ERAP2: variants seen among roughly 807,000 people sequenced by gnomAD.
The protein encoded by ERAP2 is endoplasmic reticulum aminopeptidase 2.
ERAP2 carries 118 observed loss-of-function variants against 111.1 expected under a neutral mutation model. The observed-to-expected ratio is 1.06, with a 90% CI of 0.92 to 1.24. The LOEUF (loss-of-function observed/expected upper bound fraction) is 1.24, where lower values mean the gene tolerates loss of function less well. ERAP2 is among the 50% of genes most tolerant of loss of function. The pLI, the probability that ERAP2 is intolerant of heterozygous loss-of-function variation, is 0.00. For synonymous variants in ERAP2, 410 were observed against 401.2 expected, an observed-to-expected ratio of 1.02 and a Z score of -0.26; for missense variants, 1,131 against 1,125.8, an observed-to-expected ratio of 1.00 and a Z score of -0.07.
chr5:96,880,028 C>A lies in ERAP2; in HGVS notation c.343C>A (p.Leu115Ile), dbSNP rs1434731902. The change falls in exon 2 of 19, where the codon CTT becomes ATT. Residue 115 changes from leucine (L) to isoleucine (I), a missense_variant. Physicochemically the swap from Leu to Ile is conservative, Grantham distance 5. Transcript: ENST00000437043. ...GTTTATCATCTTGCACAGCAAAGAT[C>A]TTGAAATCACGAATGCCACCCTTCA... is the stretch of plus-strand genomic sequence containing the variant. Reference protein sequence around the residue: ...TQFIILHSKDLEITNATLQSE... With the variant: ...TQFIILHSKDIEITNATLQSE... 2 of 1,614,034 alleles carry A rather than the reference C, an allele frequency of 1.2e-6. No homozygotes were observed. Among genetic ancestry groups the A allele is most frequent in the Non-Finnish European group, 1.7e-6 (2 of 1,180,010 alleles).
At chr5:96,887,725 C>T (rs190906884) in intron 4 of ERAP2, among the ~76,000 whole-genome samples, 163 of 152,272 alleles carry the variant, frequency 1.1e-3, no homozygotes, top group African/African-American at 3.8e-3. Context: ...TAAATATTTG[C>T]AAACATCAGT....
intron 13 of ERAP2, among the ~76,000 whole-genome samples, chr5:96,905,945 T>C (rs1039275643): frequency 4.1e-5 from 1 of 24,338 alleles, no homozygotes; most frequent in African/African-American, 1.9e-4. Context: ...TTCTTTTTAA[T>C]TTTTTTTTTT....
At chr5:96,894,644 A>G (rs917620156) in intron 6 of ERAP2, among the ~76,000 whole-genome samples, 2 of 152,144 alleles carry the variant, frequency 1.3e-5, no homozygotes, top group Non-Finnish European at 2.9e-5. Flanking sequence ...CATCCTTTTT[A>G]TTTGATTTAT....
At chr5:96,912,192 AAAAAAAAAAAAAG>A (rs1344530980) in intron 15 of ERAP2, among the ~76,000 whole-genome samples, 2 of 149,812 alleles carry the variant, frequency 1.3e-5, no homozygotes, top group South Asian at 2.1e-4. Context: ...CCACCTCAAA[AAAAAAAAAAAAAG>A]AAAAGAAAAG....
At chr5:96,909,967 T>C (rs1031693728) in intron 15 of ERAP2, 3 of 497,256 alleles carry the variant, frequency 6.0e-6, no homozygotes, top group East Asian at 6.8e-5. Context: ...TGTAATGGTG[T>C]CCATTATTCC....
Position 96,886,706 on chromosome 5 carries a change from A to G in ERAP2, c.766A>G (p.Thr256Ala), listed in dbSNP as rs1216146879. ...TCTTTTGGAAGATCACTTTGAAACT[A>G]CTGTAAAAATGAGTACATACCTTGT... is the stretch of plus-strand genomic sequence containing the variant. ...GGLLEDHFET[T>A]VKMSTYLVAY... Residue 256 changes from threonine to alanine, a missense_variant, in exon 4 of 19, where the codon ACT (threonine) becomes GCT (alanine). Physicochemically the swap from Thr to Ala is moderately conservative, Grantham distance 58. Around this residue, in one of 3 missense-constraint regions of ERAP2, gnomAD observed 847 missense variants for 856.5 expected, o/e 0.99. Transcript: ENST00000437043. The G allele has an allele frequency of 1.9e-6, 3 of 1,553,348 alleles. No individual in the cohort carries two copies. In the Admixed American group the frequency reaches 5.1e-5, roughly 27 times the overall value.
chr5:96,878,820 C>T (rs1044537624), intron 1 of ERAP2, among the ~76,000 whole-genome samples: 12 of 151,984 alleles, frequency 7.9e-5, no homozygotes, highest in African/African-American at 2.7e-4. Flanking sequence ...CCCAGCTACT[C>T]GGGAGGCTGA....
chr5:96,888,880 T>C (rs1199916142), intron 4 of ERAP2, among the ~76,000 whole-genome samples: 1 of 152,216 alleles, frequency 6.6e-6, no homozygotes, highest in African/African-American at 2.4e-5. Context: ...AGAGACGAAC[T>C]CAAGTGGGTT....
chr5:96,897,140 T>A (rs1176609054), intron 9 of ERAP2, among the ~76,000 whole-genome samples: 2 of 152,334 alleles, frequency 1.3e-5, no homozygotes, highest in Admixed American at 1.3e-4. Flanking sequence ...TGATCTAAAA[T>A]CTTTAAAATG....
At chr5:96,895,416 A>G (rs1784782017) in intron 7 of ERAP2, 57 bp downstream of exon 7, 1 of 1,214,018 alleles carries the variant, frequency 8.2e-7, no homozygotes, top group African/African-American at 1.5e-5. Flanking sequence ...TCAATTCACT[A>G]TTAAAATTTC....
At chr5:96,887,611 T>C (rs1261355024) in intron 4 of ERAP2, among the ~76,000 whole-genome samples, 1 of 152,184 alleles carries the variant, frequency 6.6e-6, no homozygotes, top group Admixed American at 6.5e-5. Context: ...TTTCCAACTG[T>C]TTTTTATAAC....
rs773755510 is a variant in ERAP2, at chr5:96,895,278, G to A, written c.1158G>A (p.Trp386Ter). The A allele has an allele frequency of 1.2e-5, 20 of 1,612,606 alleles. No individual in the cohort carries two copies. In the South Asian group the frequency reaches 2.0e-4, roughly 16 times the overall value. The change falls in exon 7 of 19, where the codon TGG becomes TGA. Residue 386 changes from tryptophan (W) to a stop codon, truncating the protein, a stop_gained. Transcript: ENST00000437043. LOFTEE classifies it high-confidence loss of function. ...GCAACCTGGTCACAATGGAATGGTG[G>A]AATGATATTTGGCTTAAGGAGGGTT... is the stretch of plus-strand genomic sequence containing the variant. Reference protein sequence around the residue: ...WFGNLVTMEWWNDIWLKEGFA... With the variant: ...WFGNLVTMEW
intron 2 of ERAP2, among the ~76,000 whole-genome samples, chr5:96,883,180 C>T (rs938680350): frequency 5.9e-5 from 9 of 152,118 alleles, no homozygotes; most frequent in African/African-American, 2.2e-4. Flanking sequence ...CACGTGAAGG[C>T]GTAGTTTGCA....
Position 96,896,442 on chromosome 5 carries a change from T to G in ERAP2, c.1309T>G (p.Ser437Ala), listed in dbSNP as rs1362762761. The change falls in exon 8 of 19, where the codon TCC becomes GCC. Residue 437 changes from serine to alanine, a missense_variant. Ser to Ala is a moderately conservative substitution (Grantham distance 99). This residue lies in a region of ERAP2 where 847 missense variants were observed against 856.5 expected (regional missense o/e 0.99). Transcript: ENST00000437043. ...TTCATTGAATTCATCCCGCCCTATC[T>G]CCAAACCAGCGGAAACCCCGACTCA... Reference protein sequence around the residue: ...KDSLNSSRPISKPAETPTQIQ... With the variant: ...KDSLNSSRPIAKPAETPTQIQ... The G allele has an allele frequency of 1.2e-6, 2 of 1,613,552 alleles. No homozygotes were observed. Among genetic ancestry groups the G allele is most frequent in the African/African-American group, 2.7e-5 (2 of 74,994 alleles).
chr5:96,896,863 T>C lies in ERAP2; in HGVS notation c.1503T>C (p.Asn501=). The change falls in exon 9 of 19, where the codon AAT becomes AAC. Residue 501 remains asparagine, a splice_region_variant and synonymous_variant. Coordinates refer to ENST00000437043, the MANE Select transcript of ERAP2 (RefSeq NM_022350.5). ...KNDDLWSSLS[N]SCLESDFTSG... ...ATGACTTGTGGAGCAGTCTGTCAAA[T>C]GTAAGTCATATGTTGGGTAACGATA... 1 of 1,578,610 alleles carries C rather than the reference T, an allele frequency of 6.3e-7. No individual in the cohort carries two copies. Among genetic ancestry groups the C allele is most frequent in the Non-Finnish European group, 8.6e-7 (1 of 1,169,324 alleles).
intron 7 of ERAP2, among the ~76,000 whole-genome samples, chr5:96,896,015 A>C (rs549696871): frequency 1.3e-5 from 2 of 152,304 alleles, no homozygotes; most frequent in African/African-American, 4.8e-5. Context: ...TAAAATGCAT[A>C]TACCATATCT....
In ERAP2 at chr5:96,880,019, A is replaced by C; in HGVS notation, c.334A>C (p.Ser112Arg). 3 of 1,614,186 alleles carry C rather than the reference A, an allele frequency of 1.9e-6. No homozygotes were observed. Among genetic ancestry groups the C allele is most frequent in the Non-Finnish European group, 2.5e-6 (3 of 1,180,020 alleles). The part of the protein sequence containing the change: ...SNATQFIILH[S>R]KDLEITNATL... ...TGCTACCCAGTTTATCATCTTGCAC[A>C]GCAAAGATCTTGAAATCACGAATGC... The change falls in exon 2 of 19, where the codon AGC becomes CGC. Residue 112 changes from serine to arginine, a missense_variant. Around this residue, in one of 3 missense-constraint regions of ERAP2, gnomAD observed 847 missense variants for 856.5 expected, o/e 0.99. Coordinates refer to ENST00000437043, the MANE Select transcript of ERAP2 (RefSeq NM_022350.5).
chr5:96,904,974 CA>C (rs2112286658), intron 13 of ERAP2, among the ~76,000 whole-genome samples: 1 of 151,884 alleles, frequency 6.6e-6, no homozygotes, highest in African/African-American at 2.4e-5. Flanking sequence ...TGAGCTTGGA[CA>C]AGTTTTGTTT....
In ERAP2 at chr5:96,892,308, C is replaced by T. The variant is rs1202891855; in HGVS notation, c.980C>T (p.Ala327Val). 2.5e-6 allele frequency: 4 copies of T among 1,613,620 alleles called. No homozygotes were observed. Among genetic ancestry groups the T allele is most frequent in the African/African-American group, 2.7e-5 (2 of 74,886 alleles). Residue 327 changes from alanine to valine, a missense_variant, in exon 6 of 19, where the codon GCT becomes GTT. By Grantham distance (64) the Ala-to-Val change is moderately conservative. This residue lies in a region of ERAP2 where 847 missense variants were observed against 856.5 expected (regional missense o/e 0.99). Coordinates refer to ENST00000437043, the MANE Select transcript of ERAP2 (RefSeq NM_022350.5). ...TGTTCTTATTTCTTAGATTTAATTG[C>T]TATTCCTGACTTTGCACCTGGAGCC... ...YYPLSKLDLI[A>V]IPDFAPGAME... is the part of the protein sequence containing the mutation.
Sources: gnomAD v4.1 joint callset for allele counts (sites outside exome capture counted in the v4.1 genomes callset) on GRCh38, gnomAD v4.1.1 for gene constraint, gnomAD v4.1.1 regional missense constraint, MANE v1.5 for transcripts, NCBI Gene and HGNC (gene_info 2026-07-23, HGNC 2026-07-21) for gene names.